BTBD9: variants seen among roughly 807,000 people sequenced by gnomAD.
BTBD9 encodes BTB domain containing 9.
A neutral mutation model predicts 64.3 loss-of-function variants in BTBD9; 49 were observed. The ratio of observed to expected loss-of-function variants is 0.76; its 90% CI spans 0.61 to 0.97. The LOEUF (loss-of-function observed/expected upper bound fraction) is 0.97. Among genes scored for constraint, BTBD9 ranks in the 50% least tolerant of loss-of-function variants. The pLI is 0.00. For missense variants in BTBD9, 598 were observed against 762.1 expected (o/e 0.78, Z 2.53); for synonymous variants, 260 against 274.7 (o/e 0.95, Z 0.53).
At chr6:38,306,042 C>G (rs1326088451) in intron 7 of BTBD9, among the ~76,000 whole-genome samples, 2 of 152,228 alleles carry the variant, frequency 1.3e-5, no homozygotes, top group Non-Finnish European at 2.9e-5. Context: ...GTCTTTCTTA[C>G]TGGGAAAAAT....
chr6:38,297,033 C>T (rs777644030), intron 7 of BTBD9, among the ~76,000 whole-genome samples: 4 of 152,054 alleles, frequency 2.6e-5, no homozygotes, highest in African/African-American at 7.2e-5. Flanking sequence ...TTGTATTATT[C>T]GAATATTTAT....
At chr6:38,366,193 T>A (rs1280265989) in intron 6 of BTBD9, among the ~76,000 whole-genome samples, 1 of 152,210 alleles carries the variant, frequency 6.6e-6, no homozygotes, top group Non-Finnish European at 1.5e-5. Flanking sequence ...TAAATATTTT[T>A]AAAAATCCAC....
At chr6:38,433,471 C>T (rs4598072) in intron 6 of BTBD9, among the ~76,000 whole-genome samples, 72,032 of 151,570 alleles carry the variant, frequency 0.48, 17,936 homozygotes, top group Middle Eastern at 0.64. Flanking sequence ...CTTAACTGAG[C>T]GATTAACCTT....
chr6:38,410,146 CATCT>C (rs1767350376), intron 6 of BTBD9, among the ~76,000 whole-genome samples: 1 of 152,118 alleles, frequency 6.6e-6, no homozygotes, highest in Non-Finnish European at 1.5e-5. Context: ...AAATCCAAAA[CATCT>C]ATCTCTTATA....
At chr6:38,380,990 T>C (rs1486467240) in intron 6 of BTBD9, among the ~76,000 whole-genome samples, 4 of 151,834 alleles carry the variant, frequency 2.6e-5, no homozygotes, top group East Asian at 3.9e-4. Flanking sequence ...TAACTTCCAG[T>C]ATAGTAAGAG....
intron 6 of BTBD9, among the ~76,000 whole-genome samples, chr6:38,389,516 T>G (rs751931183): frequency 1.8e-4 from 28 of 152,214 alleles, no homozygotes; most frequent in Non-Finnish European, 3.2e-4. Context: ...TCACTTTCAT[T>G]CACAACTGAC....
At chr6:38,341,493 C>T (rs1480077666) in intron 7 of BTBD9, among the ~76,000 whole-genome samples, 1 of 152,188 alleles carries the variant, frequency 6.6e-6, no homozygotes, top group Non-Finnish European at 1.5e-5. Flanking sequence ...GTACTATTCT[C>T]TCTACTTGGA....
chr6:38,389,764 C>T (rs147988036), intron 6 of BTBD9, among the ~76,000 whole-genome samples: 2 of 152,170 alleles, frequency 1.3e-5, no homozygotes, highest in East Asian at 3.9e-4. Context: ...CTTTAAAATC[C>T]TGGGAACTGT....
intron 6 of BTBD9, among the ~76,000 whole-genome samples, chr6:38,504,966 A>C (rs1161121902): frequency 2.0e-5 from 3 of 152,228 alleles, no homozygotes; most frequent in Non-Finnish European, 2.9e-5. Flanking sequence ...CCATTAATCT[A>C]GATGATGCCA....
In BTBD9 at chr6:38,229,194, C is replaced by CAA. The variant is rs34749418; in HGVS notation, c.1562+27213_1562+27214dup. Among the ~76,000 whole-genome samples the CAA allele has an allele frequency of 2.2e-3, 251 of 114,540 alleles. 1 individual carries two copies. The highest frequency in any genetic ancestry group is 0.019 in the Middle Eastern group (4 of 206). The allele number at this position is 114,540 out of a possible 152,430, so 75.1% of individuals were successfully genotyped here. On this transcript the variant is annotated intron_variant, in intron 9 of 10. Transcript: ENST00000481247. ...GCCTGGTGACAGAGCAAGACTCTGTCAAAAAAAAAAAAAAAGTCTCTAAAA... is the reference window on the plus strand; with the variant it reads ...GCCTGGTGACAGAGCAAGACTCTGTCAAAAAAAAAAAAAAAAAGTCTCTAAAA...
At chr6:38,479,836 C>T (rs565845849) in intron 6 of BTBD9, among the ~76,000 whole-genome samples, 1 of 152,280 alleles carries the variant, frequency 6.6e-6, no homozygotes, top group South Asian at 2.1e-4. Flanking sequence ...TCAAGCAATC[C>T]CGCTGCCTCA....
intron 7 of BTBD9, among the ~76,000 whole-genome samples, chr6:38,308,286 G>C (rs1234061657): frequency 6.6e-6 from 1 of 152,158 alleles, no homozygotes; most frequent in Non-Finnish European, 1.5e-5. Context: ...CCAATTCTGT[G>C]TTTGAACTAA....
chr6:38,418,804 T>C (rs1169752597), intron 6 of BTBD9, among the ~76,000 whole-genome samples: 3 of 152,154 alleles, frequency 2.0e-5, no homozygotes, highest in Non-Finnish European at 4.4e-5. Context: ...TCACCTTGGA[T>C]GAGAATGCAT....
intron 8 of BTBD9, among the ~76,000 whole-genome samples, chr6:38,265,646 T>A (rs1343462257): frequency 6.6e-6 from 1 of 152,006 alleles, no homozygotes; most frequent in African/African-American, 2.4e-5. Context: ...GCCTCCCAAG[T>A]AGCTGAGACT....
At chr6:38,267,495 T>A (rs1765051194) in intron 8 of BTBD9, among the ~76,000 whole-genome samples, 1 of 152,174 alleles carries the variant, frequency 6.6e-6, no homozygotes, top group Non-Finnish European at 1.5e-5. Context: ...CATAACACCA[T>A]CCAGTGGCCC....
intron 7 of BTBD9, among the ~76,000 whole-genome samples, chr6:38,335,778 G>A (rs1318045673): frequency 1.3e-5 from 2 of 152,132 alleles, no homozygotes; most frequent in Admixed American, 6.5e-5. Context: ...CTGTTGCCCA[G>A]GCTGGAGTGC....
At chr6:38,597,703 T>C (rs570096334) in intron 2 of BTBD9, among the ~76,000 whole-genome samples, 7 of 152,322 alleles carry the variant, frequency 4.6e-5, no homozygotes, top group African/African-American at 1.7e-4. Context: ...GGAATCCTTC[T>C]AACCCTTTAA....
intron 9 of BTBD9, among the ~76,000 whole-genome samples, chr6:38,222,026 T>C (rs1224985851): frequency 6.6e-6 from 1 of 151,958 alleles, no homozygotes; most frequent in Non-Finnish European, 1.5e-5. Flanking sequence ...TAAAGAAAGA[T>C]GATCTCATTT....
chr6:38,608,668 T>C (rs1295316957), intron 1 of BTBD9, among the ~76,000 whole-genome samples: 1 of 152,216 alleles, frequency 6.6e-6, no homozygotes, highest in Non-Finnish European at 1.5e-5. Context: ...ATGCATACTT[T>C]GACTACTGTT....
Sources: allele counts gnomAD v4.1 joint callset (sites outside exome capture counted in the v4.1 genomes callset), GRCh38; gene constraint gnomAD v4.1.1; transcripts MANE v1.5; gene names NCBI Gene and HGNC (gene_info 2026-07-23, HGNC 2026-07-21).